NFIX: variants seen among roughly 807,000 people sequenced by gnomAD.
The protein encoded by NFIX is nuclear factor I X.
NFIX carries 2 observed loss-of-function variants against 53.3 expected under a neutral mutation model. The observed-to-expected ratio is 0.04, with a 90% CI of 0.02 to 0.12. The LOEUF (loss-of-function observed/expected upper bound fraction) is 0.12, where lower values mean the gene tolerates loss of function less well. NFIX is among the 10% of genes least tolerant of loss of function. The probability of loss-of-function intolerance (pLI) is 1.00; values close to 1 mark genes in which losing one functional copy is unlikely to be tolerated. For missense variants in NFIX, 310 were observed against 674.5 expected (o/e 0.46, Z 5.99); for synonymous variants, 244 against 289.0 (o/e 0.84, Z 1.58).
chr19:13,078,770 G>GGGA lies in NFIX; in HGVS notation c.1078+38_1078+40dup. The GGGA allele has an allele frequency of 6.3e-7, 1 of 1,581,854 alleles. No individual in the cohort carries two copies. Among genetic ancestry groups the GGGA allele is most frequent in the South Asian group, 1.2e-5 (1 of 86,612 alleles). On this transcript the variant is annotated intron_variant, in intron 7 of 10. Coordinates refer to ENST00000592199, the MANE Select transcript of NFIX (RefSeq NM_001365902.3). The surrounding 1 kb of genome is among the most constrained non-coding windows in gnomAD (Gnocchi z 4.7). ...GGGGGGCCCCGGAGGGGGGCAGTTG[G>GGGA]GGAGGTGGCTGAGTATCTAGGGGCA...
At position 13,006,659 on chromosome 19, in the gene NFIX, G is replaced by A. The variant is rs1170075961; in HGVS notation, c.27+10795G>A. ...TGTCACCCTGGCAGTACCAGGCTGC[G>A]CCATCTTTGCAGGGTCTTGGGGATC... On this transcript the variant is annotated intron_variant, in intron 1 of 10. Transcript: ENST00000592199. This position sits in a 1 kb window ranked among gnomAD's most constrained non-coding sequence, Gnocchi z 5.6. Among the ~76,000 whole-genome samples, 1 of 152,180 alleles carries A rather than the reference G, an allele frequency of 6.6e-6. No homozygotes were observed. The highest frequency in any genetic ancestry group is 2.4e-5 in the African/African-American group (1 of 41,438).
chr19:12,996,998 G>A lies in NFIX; in HGVS notation c.27+1134G>A, dbSNP rs1427490435. Among the ~76,000 whole-genome samples the A allele has an allele frequency of 6.6e-6, 1 of 152,240 alleles. No homozygotes were observed. Among genetic ancestry groups the A allele is most frequent in the African/African-American group, 2.4e-5 (1 of 41,452 alleles). ...CAAGCCACAGCTGGTAACAGTCTCC[G>A]AAGAGGGGACATCTAGGGGCTGCTT... On this transcript the variant is annotated intron_variant, in intron 1 of 10. Transcript: ENST00000592199. The surrounding 1 kb of genome is among the most constrained non-coding windows in gnomAD (Gnocchi z 5.2).
rs891985058 is a variant in NFIX at position 13,022,729 on chromosome 19, G to T, written c.28-2292G>T. On this transcript the variant is annotated intron_variant, in intron 1 of 10. Coordinates refer to ENST00000592199, the MANE Select transcript of NFIX (RefSeq NM_001365902.3). This position sits in a 1 kb window ranked among gnomAD's most constrained non-coding sequence, Gnocchi z 4.5. ...TTCTGGGGCTCCCGCCCGCCAGCCC[G>T]CCGGGAGTCAGGCCTTTATTTATTT... Among the ~76,000 whole-genome samples, 16 of 152,078 alleles carry T rather than the reference G, an allele frequency of 1.1e-4. No homozygotes were observed. The highest frequency in any genetic ancestry group is 3.6e-4 in the African/African-American group (15 of 41,404).
In NFIX at chr19:13,088,248, C is replaced by G; in HGVS notation, c.1402+112C>G. 1 of 1,302,980 alleles carries G rather than the reference C, an allele frequency of 7.7e-7. No homozygotes were observed. Among genetic ancestry groups the G allele is most frequent in the Non-Finnish European group, 1.0e-6 (1 of 961,696 alleles). 80.7% of individuals were successfully genotyped at this position (1,302,980 alleles called of 1,614,324 possible). A position where few individuals can be genotyped will look rare whatever the true frequency, so the allele number is the denominator to read the frequency against. Reference sequence around the variant, plus strand: ...CCTCCCCACCACCAAAGCCCCCCAACCCAGAGCACCATGGACAAGAGCAGA... The same window carrying G: ...CCTCCCCACCACCAAAGCCCCCCAAGCCAGAGCACCATGGACAAGAGCAGA... On this transcript the variant is annotated intron_variant, in intron 9 of 10. Transcript: ENST00000592199. The surrounding 1 kb of genome is among the most constrained non-coding windows in gnomAD (Gnocchi z 5.9).
chr19:12,999,800 A>T (rs909466498), intron 1 of NFIX, among the ~76,000 whole-genome samples: 1 of 151,906 alleles, frequency 6.6e-6, no homozygotes, highest in African/African-American at 2.4e-5. Flanking sequence ...CACTCTGGCC[A>T]CCCCTCTGTC....
chr19:13,029,699 G>C (rs2013649276), intron 2 of NFIX, among the ~76,000 whole-genome samples: 1 of 152,204 alleles, frequency 6.6e-6, no homozygotes, highest in Non-Finnish European at 1.5e-5. Context: ...GGACAGCTGA[G>C]CTTAGCCTTA....
chr19:13,050,624 C>G (rs567068313), intron 2 of NFIX, among the ~76,000 whole-genome samples: 1 of 152,270 alleles, frequency 6.6e-6, no homozygotes, highest in South Asian at 2.1e-4. Context: ...GTGACCCACA[C>G]AGATTTGTAT....
intron 2 of NFIX, among the ~76,000 whole-genome samples, chr19:13,042,266 G>T (rs1001543889): frequency 6.6e-6 from 1 of 150,456 alleles, no homozygotes; most frequent in African/African-American, 2.5e-5. Flanking sequence ...AATGACTTCT[G>T]TCCCCTATTC....
intron 6 of NFIX, among the ~76,000 whole-genome samples, chr19:13,077,570 C>T (rs577246267): frequency 7.9e-5 from 12 of 152,246 alleles, no homozygotes; most frequent in Non-Finnish European, 1.5e-4. Context: ...GCTGGGAGTT[C>T]GCCCTTCCCC....
chr19:13,094,187 A>G lies in NFIX; in HGVS notation c.1495-448A>G, dbSNP rs775031036. Among the ~76,000 whole-genome samples, 1 of 152,156 alleles carries G rather than the reference A, an allele frequency of 6.6e-6. No individual in the cohort carries two copies. The highest frequency in any genetic ancestry group is 1.9e-4 in the East Asian group (1 of 5,198). Reference sequence around the variant, plus strand: ...AGATGGGAATTTCTGCTTTTAATCCAAAGAGACAGAAAGAAAACTCAGCAA... The same window carrying G: ...AGATGGGAATTTCTGCTTTTAATCCGAAGAGACAGAAAGAAAACTCAGCAA... On this transcript the variant is annotated intron_variant, in intron 10 of 10. Coordinates refer to ENST00000592199, the MANE Select transcript of NFIX (RefSeq NM_001365902.3). The surrounding 1 kb of genome is among the most constrained non-coding windows in gnomAD (Gnocchi z 4.3).
chr19:13,027,865 A>G lies in NFIX; in HGVS notation c.559+2313A>G, dbSNP rs1036230714. On this transcript the variant is annotated intron_variant, in intron 2 of 10. Transcript: ENST00000592199. The surrounding 1 kb of genome is among the most constrained non-coding windows in gnomAD (Gnocchi z 4.3). ...CGAGTCTCCTCTACAAAAGCAGAGT[A>G]GGGAACTAAGGGTGTATTTTATATC... Among the ~76,000 whole-genome samples, 4 of 152,224 alleles carry G rather than the reference A, an allele frequency of 2.6e-5. No individual in the cohort carries two copies. The highest frequency in any genetic ancestry group is 4.4e-5 in the Non-Finnish European group (3 of 68,032).
At chr19:13,065,548 G>C (rs1247155776) in intron 2 of NFIX, among the ~76,000 whole-genome samples, 2 of 152,202 alleles carry the variant, frequency 1.3e-5, no homozygotes, top group Non-Finnish European at 2.9e-5. Context: ...TGCTGCTGTG[G>C]CTGGGGGTCT....
rs34763159 is a variant in NFIX, at chr19:13,013,064, T to TAA, written c.28-11948_28-11947dup. 0.31 allele frequency among the ~76,000 whole-genome samples: 45,600 copies of TAA among 147,530 alleles called. 8,626 individuals are homozygous for TAA. The highest frequency in any genetic ancestry group is 0.62 in the East Asian group (3,091 of 4,990). Reference sequence around the variant, plus strand: ...GGGCCGCGGGGAGTTGCGCAGACTCTAAAAAAAAAACCTTTAAAAACCCAA... The same window carrying TAA: ...GGGCCGCGGGGAGTTGCGCAGACTCTAAAAAAAAAAAACCTTTAAAAACCCAA... On this transcript the variant is annotated intron_variant, in intron 1 of 10. Coordinates refer to ENST00000592199, the MANE Select transcript of NFIX (RefSeq NM_001365902.3). This position sits in a 1 kb window ranked among gnomAD's most constrained non-coding sequence, Gnocchi z 5.9.
rs2014509993 is a variant in NFIX, at chr19:13,040,062, A to G, written c.559+14510A>G. Among the ~76,000 whole-genome samples the G allele has an allele frequency of 6.6e-6, 1 of 152,130 alleles. No homozygotes were observed. Among genetic ancestry groups the G allele is most frequent in the Non-Finnish European group, 1.5e-5 (1 of 68,012 alleles). ...AATGCTGGAAGGAGTGTGGCAGGCA[A>G]GTGAGAAGCTGTGGGTTAATGGGTT... is the stretch of plus-strand genomic sequence containing the variant. On this transcript the variant is annotated intron_variant, in intron 2 of 10. Transcript: ENST00000592199. This position sits in a 1 kb window ranked among gnomAD's most constrained non-coding sequence, Gnocchi z 4.2.
At chr19:13,053,501 T>G (rs1439123030) in intron 2 of NFIX, among the ~76,000 whole-genome samples, 3 of 152,066 alleles carry the variant, frequency 2.0e-5, no homozygotes, top group African/African-American at 7.2e-5. Flanking sequence ...CGAGGATAAC[T>G]ATGGGAGCAG....
At chr19:13,007,853 A>G (rs978858962) in intron 1 of NFIX, among the ~76,000 whole-genome samples, 1 of 152,196 alleles carries the variant, frequency 6.6e-6, no homozygotes, top group Non-Finnish European at 1.5e-5. Context: ...TGCAAGTATC[A>G]AAGACACACT....
At chr19:13,000,094 C>A (rs1047378349) in intron 1 of NFIX, among the ~76,000 whole-genome samples, 2 of 152,212 alleles carry the variant, frequency 1.3e-5, no homozygotes, top group Admixed American at 6.5e-5. Context: ...AGCTCCCAGA[C>A]GGAGGCTGCG....
rs2013510375 is a variant in NFIX, at chr19:13,028,088, TC to T, written c.559+2538del. Among the ~76,000 whole-genome samples, 1 of 152,160 alleles carries T rather than the reference TC, an allele frequency of 6.6e-6. No individual in the cohort carries two copies. Among genetic ancestry groups the T allele is most frequent in the Non-Finnish European group, 1.5e-5 (1 of 68,034 alleles). Reference sequence around the variant, plus strand: ...TGGCACAGACCAGGCATGGCTTGCTTCCTCCTTGAGCTGGCAAGAAATAAAA... The same window carrying T: ...TGGCACAGACCAGGCATGGCTTGCTTCTCCTTGAGCTGGCAAGAAATAAAA... On this transcript the variant is annotated intron_variant, in intron 2 of 10. Coordinates refer to ENST00000592199, the MANE Select transcript of NFIX (RefSeq NM_001365902.3). The surrounding 1 kb of genome is among the most constrained non-coding windows in gnomAD (Gnocchi z 4.2).
Position 13,081,745 on chromosome 19 carries a change from C to CCGTATTTCA in NFIX, c.1147_1155dup (p.Tyr383_Thr385dup). 1 of 1,613,994 alleles carries CCGTATTTCA rather than the reference C, an allele frequency of 6.2e-7. No homozygotes were observed. The highest frequency in any genetic ancestry group is 8.5e-7 in the Non-Finnish European group (1 of 1,179,894). ...CACGTCCATCATCCAGCAGTCGAGC[C>CCGTATTTCA]CGTATTTCACGCACCCGACCATCCG... is the stretch of plus-strand genomic sequence containing the variant. On this transcript the variant is annotated inframe_insertion, in exon 8 of 11. Coordinates refer to ENST00000592199, the MANE Select transcript of NFIX (RefSeq NM_001365902.3). The surrounding 1 kb of genome is among the most constrained non-coding windows in gnomAD (Gnocchi z 4.7).
Sources: gnomAD v4.1 joint callset for allele counts (sites outside exome capture counted in the v4.1 genomes callset) on GRCh38, gnomAD v4.1.1 for gene constraint, Gnocchi (gnomAD v3.1) non-coding constraint, MANE v1.5 for transcripts, NCBI Gene and HGNC (gene_info 2026-07-23, HGNC 2026-07-21) for gene names.